GTF2A2: variants seen among roughly 807,000 people sequenced by gnomAD.
GTF2A2 encodes general transcription factor IIA subunit 2, also known as transcription initiation factor IIA subunit 2.
GTF2A2 carries 9 observed loss-of-function variants against 14.3 expected under a neutral mutation model. That is an observed-to-expected ratio of 0.63 (90% CI 0.38 to 1.10). The LOEUF is 1.10. Among genes scored for constraint, GTF2A2 ranks in the 50% least tolerant of loss-of-function variants. The pLI is 0.01. For missense variants in GTF2A2, 90 were observed against 124.6 expected (o/e 0.72, Z 1.32); for synonymous variants, 56 against 46.0 (o/e 1.22, Z -0.88).
intron 3 of GTF2A2, among the ~76,000 whole-genome samples, chr15:59,642,707 C>A (rs1416466484): frequency 6.6e-6 from 1 of 152,250 alleles, no homozygotes; most frequent in Non-Finnish European, 1.5e-5. Flanking sequence ...AGATGCATTA[C>A]TGCATCGGTC....
At chr15:59,639,180 AAGT>A in intron 4 of GTF2A2, 23 bp from the exon 5 acceptor site, 1 of 1,358,560 alleles carries the variant, frequency 7.4e-7, no homozygotes, top group Non-Finnish European at 1.1e-6. Context: ...AGAGAAAGTA[AAGT>A]AAAGTAAATT....
intron 4 of GTF2A2, among the ~76,000 whole-genome samples, chr15:59,640,662 T>TTTGA (rs1388383950): frequency 2.6e-5 from 4 of 152,320 alleles, no homozygotes; most frequent in South Asian, 2.1e-4. Context: ...ATTAATTCAT[T>TTTGA]TTGATAGAGA....
rs145200414 is a variant in GTF2A2 at position 59,648,043 on chromosome 15, C to T, written c.177+2626G>A. Reference sequence around the variant, plus strand: ...CGCTTGTTAATTACTGTTCGAGGCTCAACACTATAAAGTAACCATTACTTT... The same window carrying T: ...CGCTTGTTAATTACTGTTCGAGGCTTAACACTATAAAGTAACCATTACTTT... On this transcript the variant is annotated intron_variant, in intron 3 of 4. Coordinates refer to ENST00000396060, the MANE Select transcript of GTF2A2 (RefSeq NM_004492.3). Among the ~76,000 whole-genome samples, 332 of 152,188 alleles carry T rather than the reference C, an allele frequency of 2.2e-3. 1 individual carries two copies. Among genetic ancestry groups the T allele is most frequent in the African/African-American group, 7.6e-3 (315 of 41,514 alleles).
intron 4 of GTF2A2, 25 bp downstream of exon 4, chr15:59,642,111 T>A: frequency 1.3e-6 from 2 of 1,584,332 alleles, no homozygotes; most frequent in Non-Finnish European, 1.7e-6. Flanking sequence ...CAAGTAGCTT[T>A]CACAGAAATA....
intron 4 of GTF2A2, among the ~76,000 whole-genome samples, chr15:59,641,021 T>C (rs1431210249): frequency 6.6e-6 from 1 of 152,140 alleles, no homozygotes; most frequent in Non-Finnish European, 1.5e-5. Flanking sequence ...GAAGAGACTA[T>C]TTCTTTAAAA....
chr15:59,645,488 C>G lies in GTF2A2; in HGVS notation c.178-3226G>C, dbSNP rs142452162. ...GGTTCAAAAAAACAATCATCAATAG[C>G]ACTACAAATGATGCATTAGATTTAG... On this transcript the variant is annotated intron_variant, in intron 3 of 4. Transcript: ENST00000396060. Among the ~76,000 whole-genome samples the G allele has an allele frequency of 8.6e-3, 1,314 of 152,214 alleles. 7 individuals carry two copies. Among genetic ancestry groups the G allele is most frequent in the Middle Eastern group, 0.014 (4 of 294 alleles).
intron 4 of GTF2A2, among the ~76,000 whole-genome samples, chr15:59,639,564 G>A (rs372547568): frequency 4.7e-5 from 7 of 147,476 alleles, no homozygotes; most frequent in Non-Finnish European, 8.9e-5. Context: ...GGGGGTTCAC[G>A]CCATTCTCCT....
chr15:59,643,783 G>A (rs1397449084), intron 3 of GTF2A2, among the ~76,000 whole-genome samples: 2 of 106 alleles, frequency 0.019, no homozygotes, highest in African/African-American at 0.062. Flanking sequence ...ATTTTTAGTA[G>A]AGATGGGTTT....
intron 1 of GTF2A2, chr15:59,653,123 AGGAT>A (rs1160857281): frequency 6.6e-6 from 1 of 152,370 alleles, no homozygotes; most frequent in Non-Finnish European, 1.5e-5. Flanking sequence ...GTTGTTTGGC[AGGAT>A]AGGTGCAAGC....
intron 3 of GTF2A2, among the ~76,000 whole-genome samples, chr15:59,647,885 A>G (rs1412625031): frequency 6.6e-6 from 1 of 152,206 alleles, no homozygotes; most frequent in African/African-American, 2.4e-5. Context: ...GAACATCTTA[A>G]AAGTTATATA....
At chr15:59,656,286 TTTAC>T (rs1456343813) in intron 1 of GTF2A2, among the ~76,000 whole-genome samples, 1 of 152,230 alleles carries the variant, frequency 6.6e-6, no homozygotes, top group African/African-American at 2.4e-5. Context: ...CTTCCTGATA[TTTAC>T]TTAGCAAATT....
At position 59,650,735 on chromosome 15, in the gene GTF2A2, T is replaced by C. The variant is rs1891765016; in HGVS notation, c.111A>G (p.Leu37=). Residue 37 remains leucine (L), a synonymous_variant, in exon 3 of 5, where the codon CTA becomes CTG. Coordinates refer to ENST00000396060, the MANE Select transcript of GTF2A2 (RefSeq NM_004492.3). Reference sequence around the variant, plus strand: ...CATTTATAGCCTTATCAAACTGAAGTAGAACTTGAAGGGCAAGTTGGGGGG... The same window carrying C: ...CATTTATAGCCTTATCAAACTGAAGCAGAACTTGAAGGGCAAGTTGGGGGG... ...QITPQLALQV[L]LQFDKAINAA... 2.5e-6 allele frequency: 4 copies of C among 1,611,282 alleles called. No individual in the cohort carries two copies. The highest frequency in any genetic ancestry group is 3.3e-5 in the Admixed American group (2 of 60,004).
intron 1 of GTF2A2, chr15:59,656,934 C>T (rs995584325): frequency 6.6e-6 from 1 of 152,222 alleles, no homozygotes. Context: ...TCGGAAGTAA[C>T]TCGTCCTAGC....
chr15:59,652,436 A>G, intron 1 of GTF2A2, 110 bp from the exon 2 acceptor site: 1 of 561,004 alleles, frequency 1.8e-6, no homozygotes, highest in African/African-American at 1.9e-5. Flanking sequence ...GAGAACGCTT[A>G]GTGGTTGCAC....
At chr15:59,649,141 C>T (rs532053813) in intron 3 of GTF2A2, among the ~76,000 whole-genome samples, 1 of 152,182 alleles carries the variant, frequency 6.6e-6, no homozygotes, top group East Asian at 1.9e-4. Flanking sequence ...ATATGCTACA[C>T]TAAGCTAAAC....
rs2141952848 is a variant in GTF2A2 at position 59,638,931 on chromosome 15, A to AG, written c.*200_*201insC. ...AAGGCAACAACTTTTGTCCTTAAAA[A>AG]AAAGTTATGGTTTTTCATGCTGTAT... On this transcript the variant is annotated 3_prime_UTR_variant, in exon 5 of 5. Coordinates refer to ENST00000396060, the MANE Select transcript of GTF2A2 (RefSeq NM_004492.3). 1 of 495,390 alleles carries AG rather than the reference A, an allele frequency of 2.0e-6. No homozygotes were observed. Among genetic ancestry groups the AG allele is most frequent in the African/African-American group, 2.0e-5 (1 of 50,626 alleles). The allele number at this position is 495,390 out of a possible 1,614,324, so 30.7% of individuals were successfully genotyped here.
intron 4 of GTF2A2, among the ~76,000 whole-genome samples, chr15:59,639,464 A>AAT (rs1555393793): frequency 9.1e-5 from 13 of 142,630 alleles, no homozygotes; most frequent in African/African-American, 2.1e-4. Flanking sequence ...ACTGTCCCAA[A>AAT]TTTTTTTTTT....
chr15:59,645,986 A>ATCACACCAT (rs1446475803), intron 3 of GTF2A2, among the ~76,000 whole-genome samples: 2 of 150,732 alleles, frequency 1.3e-5, no homozygotes, highest in Non-Finnish European at 3.0e-5. Flanking sequence ...GTGAGGCGAG[A>ATCACACCAT]TCACACCATT....
rs539970770 is a variant in GTF2A2, at chr15:59,639,269, G to A, written c.305-112C>T. Reference sequence around the variant, plus strand: ...AGAACACAGGACTAATAGTGGTGGTGGCTTGCAGGGTGGGGAAGAACAGGA... The same window carrying A: ...AGAACACAGGACTAATAGTGGTGGTAGCTTGCAGGGTGGGGAAGAACAGGA... On this transcript the variant is annotated intron_variant, in intron 4 of 4. Transcript: ENST00000396060. 535 of 723,808 alleles carry A rather than the reference G, an allele frequency of 7.4e-4. 5 individuals carry two copies. The highest frequency in any genetic ancestry group is 7.1e-3 in the South Asian group (489 of 68,952). The allele number at this position is 723,808 out of a possible 1,614,324, so 44.8% of individuals were successfully genotyped here. A position where few individuals can be genotyped will look rare whatever the true frequency, so the allele number is the denominator to read the frequency against.
Sources: allele counts gnomAD v4.1 joint callset (sites outside exome capture counted in the v4.1 genomes callset), GRCh38; gene constraint gnomAD v4.1.1; transcripts MANE v1.5; gene names NCBI Gene and HGNC (gene_info 2026-07-23, HGNC 2026-07-21).